The following SLC38A1 variants were observed in gnomAD, a reference collection of about 807,000 sequenced individuals.
The protein encoded by SLC38A1 is sodium-coupled neutral amino acid symporter 1.
In SLC38A1, 18 loss-of-function variants were observed where a neutral mutation model predicts 60.3. The observed-to-expected ratio is 0.30, with a 90% CI of 0.21 to 0.44. SLC38A1 has a LOEUF of 0.44. Ranked by LOEUF, SLC38A1 falls within the 20% of genes least tolerant of loss-of-function variation. SLC38A1 has a pLI of 1.00. For synonymous variants in SLC38A1, 196 were observed against 212.1 expected (o/e 0.92, Z 0.66); for missense variants, 448 against 587.2 (o/e 0.76, Z 2.45).
chr12:46,266,759 G>A (rs543913822), intron 1 of SLC38A1, among the ~76,000 whole-genome samples: 1 of 152,218 alleles, frequency 6.6e-6, no homozygotes, highest in East Asian at 1.9e-4. Context: ...TGTAGAAAAT[G>A]TTTATTGGCC....
chr12:46,221,386 C>T (rs562202597), intron 5 of SLC38A1, among the ~76,000 whole-genome samples: 1 of 152,188 alleles, frequency 6.6e-6, no homozygotes, highest in African/African-American at 2.4e-5. Context: ...AGTCTCAGAA[C>T]TATTTTGAAT....
Position 46,239,747 on chromosome 12 carries a change from C to T in SLC38A1, c.54G>A (p.Val18=), listed in dbSNP as rs190080687. ...CATTGCTAATGTTATCATCCTCGGGCACTGTCATGTTTTGCAACTCAGTTA... is the reference window on the plus strand; with the variant it reads ...CATTGCTAATGTTATCATCCTCGGGTACTGTCATGTTTTGCAACTCAGTTA... ...LELTELQNMT[V]PEDDNISNDS... The change falls in exon 3 of 17, where the codon GTG becomes GTA. Residue 18 remains valine, a synonymous_variant. Transcript: ENST00000398637. The T allele has an allele frequency of 2.0e-4, 318 of 1,613,424 alleles. 4 individuals are homozygous for T. In the East Asian group the frequency reaches 6.5e-3, roughly 33 times the overall value.
Position 46,264,957 on chromosome 12 carries a change from A to G in SLC38A1, c.-209+3569T>C, listed in dbSNP as rs1374908988. On this transcript the variant is annotated intron_variant, in intron 1 of 16. Coordinates refer to ENST00000398637, the MANE Select transcript of SLC38A1 (RefSeq NM_030674.4). ...GACTAAAAAGATCCAGGTAGTTTCC[A>G]TCAAGATATATTTTCAGAAAAGTAT... 3.3e-5 allele frequency among the ~76,000 whole-genome samples: 5 copies of G among 152,026 alleles called. No individual in the cohort carries two copies. In the East Asian group the frequency reaches 9.6e-4, roughly 29 times the overall value.
chr12:46,207,997 T>C (rs1939985504), intron 6 of SLC38A1, among the ~76,000 whole-genome samples: 1 of 152,222 alleles, frequency 6.6e-6, no homozygotes, highest in Non-Finnish European at 1.5e-5. Flanking sequence ...AAGATCCTAA[T>C]AGTTGAAACA....
At chr12:46,252,578 A>C (rs760380871) in intron 1 of SLC38A1, among the ~76,000 whole-genome samples, 30 of 151,904 alleles carry the variant, frequency 2.0e-4, no homozygotes, top group Non-Finnish European at 3.7e-4. Flanking sequence ...TGAATGAATT[A>C]ATTAATATAG....
At chr12:46,239,940 C>G (rs1183485683) in intron 2 of SLC38A1, 47 bp from the exon 3 acceptor site, 2 of 683,832 alleles carry the variant, frequency 2.9e-6, no homozygotes, top group East Asian at 5.6e-5. Context: ...TGAAACGCTA[C>G]TGATTAAAAA....
rs573215123 is a variant in SLC38A1 at position 46,268,662 on chromosome 12, A to G, written c.-345T>C. 1.5e-3 allele frequency: 370 copies of G among 242,592 alleles called. 1 individual carries two copies. The highest frequency in any genetic ancestry group is 7.8e-3 in the African/African-American group (346 of 44,168). 15.0% of individuals were successfully genotyped at this position (242,592 alleles called of 1,614,324 possible). A position where few individuals can be genotyped will look rare whatever the true frequency, so the allele number is the denominator to read the frequency against. On this transcript the variant is annotated 5_prime_UTR_variant, in exon 1 of 17. Transcript: ENST00000398637. This position sits in a 1 kb window ranked among gnomAD's most constrained non-coding sequence, Gnocchi z 4.4. Reference sequence around the variant, plus strand: ...CCGGGAAAATGTGGCCCCCGTCAGTAAGGGTTGGGCAGGGAGCTTGGCGTG... The same window carrying G: ...CCGGGAAAATGTGGCCCCCGTCAGTGAGGGTTGGGCAGGGAGCTTGGCGTG...
chr12:46,196,290 G>A, intron 16 of SLC38A1: 1 of 1,535,326 alleles, frequency 6.5e-7, no homozygotes, highest in Non-Finnish European at 8.7e-7. Flanking sequence ...AGGAAGGAGA[G>A]GAGCAAATTG....
At chr12:46,225,600 G>A (rs1023155775) in intron 5 of SLC38A1, among the ~76,000 whole-genome samples, 1 of 152,166 alleles carries the variant, frequency 6.6e-6, no homozygotes, top group African/African-American at 2.4e-5. Context: ...AGCCAAAGAA[G>A]AGGGTCTTAG....
rs773705112 is a variant in SLC38A1 at position 46,201,213 on chromosome 12, A to G, written c.903-15T>C. On this transcript the variant is annotated splice_polypyrimidine_tract_variant and intron_variant, in intron 12 of 16. Coordinates refer to ENST00000398637, the MANE Select transcript of SLC38A1 (RefSeq NM_030674.4). ...TCTGTGATCGGCTAAAAACAAATAAATGTTAAAAATTAAAAATCATATGAC... is the reference window on the plus strand; with the variant it reads ...TCTGTGATCGGCTAAAAACAAATAAGTGTTAAAAATTAAAAATCATATGAC... 2.5e-6 allele frequency: 4 copies of G among 1,592,172 alleles called. No individual in the cohort carries two copies. The highest frequency in any genetic ancestry group is 3.4e-5 in the Admixed American group (2 of 58,900).
intron 1 of SLC38A1, among the ~76,000 whole-genome samples, chr12:46,247,617 T>C (rs917093757): frequency 6.6e-6 from 1 of 152,206 alleles, no homozygotes; most frequent in South Asian, 2.1e-4. Flanking sequence ...CTCTTCAGGA[T>C]ATTGTTCAGG....
At chr12:46,207,319 T>C (rs1565759768) in intron 7 of SLC38A1, 83 bp from the exon 8 acceptor site, 5 of 1,262,788 alleles carry the variant, frequency 4.0e-6, no homozygotes, top group Admixed American at 2.0e-5. Flanking sequence ...AGCCCGTTCT[T>C]AGACCAACTG....
At chr12:46,246,017 T>C (rs932361790) in intron 1 of SLC38A1, among the ~76,000 whole-genome samples, 6 of 152,226 alleles carry the variant, frequency 3.9e-5, no homozygotes, top group African/African-American at 4.8e-5. Context: ...ATATTATTTC[T>C]TGATCTCTGT....
At chr12:46,208,727 T>C (rs902246744) in intron 6 of SLC38A1, among the ~76,000 whole-genome samples, 1 of 152,158 alleles carries the variant, frequency 6.6e-6, no homozygotes, top group East Asian at 1.9e-4. Flanking sequence ...TATAAAAACA[T>C]GGGATCTTTG....
rs78115266 is a variant in SLC38A1, at chr12:46,241,831, C to G, written c.-94+1369G>C. Among the ~76,000 whole-genome samples the G allele has an allele frequency of 0.02, 3,063 of 152,236 alleles. 213 individuals are homozygous for G. The East Asian group carries it at 0.25, about 13-fold the overall frequency. ...TGACTCCCTCTTGTGTGACTACATC[C>G]CAGGCTACTGAAGTGATATTACAGG... On this transcript the variant is annotated intron_variant, in intron 2 of 16. Transcript: ENST00000398637.
At chr12:46,241,116 G>C (rs1941430554) in intron 2 of SLC38A1, among the ~76,000 whole-genome samples, 1 of 151,934 alleles carries the variant, frequency 6.6e-6, no homozygotes, top group Non-Finnish European at 1.5e-5. Flanking sequence ...AAAGTGATGG[G>C]GACCATGGAA....
At chr12:46,236,364 G>A (rs1941259683) in intron 3 of SLC38A1, among the ~76,000 whole-genome samples, 1 of 152,154 alleles carries the variant, frequency 6.6e-6, no homozygotes, top group South Asian at 2.1e-4. Context: ...GTTGTGGCAG[G>A]ATTTGAATAT....
At chr12:46,229,768 C>G in intron 3 of SLC38A1, 129 bp from the exon 4 acceptor site, 1 of 754,980 alleles carries the variant, frequency 1.3e-6, no homozygotes, top group Non-Finnish European at 2.2e-6. Flanking sequence ...GAGTTTACAG[C>G]CCTATTCAAC....
chr12:46,202,469 A>G (rs1460347861), intron 12 of SLC38A1, among the ~76,000 whole-genome samples: 1 of 152,220 alleles, frequency 6.6e-6, no homozygotes, highest in African/African-American at 2.4e-5. Context: ...AATTTTCTCA[A>G]AACCAGCAAT....
Sources: gnomAD v4.1 joint callset for allele counts (sites outside exome capture counted in the v4.1 genomes callset) on GRCh38, gnomAD v4.1.1 for gene constraint, Gnocchi (gnomAD v3.1) non-coding constraint, MANE v1.5 for transcripts, NCBI Gene and HGNC (gene_info 2026-07-23, HGNC 2026-07-21) for gene names.